The following COL11A1 variants were observed in gnomAD, a reference collection of about 807,000 sequenced individuals.
COL11A1 encodes the protein collagen type XI alpha 1 chain, also known as collagen alpha-1(XI) chain.
A neutral mutation model predicts 265.2 loss-of-function variants in COL11A1; 74 were observed. The observed-to-expected ratio is 0.28, with a 90% confidence interval of 0.23 to 0.34. The LOEUF is 0.34. COL11A1 is among the 10% of genes least tolerant of loss of function. The pLI is 1.00. For synonymous variants in COL11A1, 816 were observed against 727.6 expected, an observed-to-expected ratio of 1.12 and a Z score of -1.96; for missense variants, 2,165 against 2,263.6, an observed-to-expected ratio of 0.96 and a Z score of 0.88.
At chr1:103,056,211 A>C (rs544903217) in intron 4 of COL11A1, among the ~76,000 whole-genome samples, 1 of 152,256 alleles carries the variant, frequency 6.6e-6, no homozygotes, top group Admixed American at 6.5e-5. Flanking sequence ...CAGGTTAGAA[A>C]GTGTACGGGA....
chr1:102,984,086 T>G (rs991710898), intron 31 of COL11A1, 52 bp downstream of exon 31: 4 of 1,214,336 alleles, frequency 3.3e-6, no homozygotes, highest in Non-Finnish European at 4.9e-6. Flanking sequence ...CATAAGTGAT[T>G]AATATTATCT....
At chr1:103,105,922 A>G (rs1674656468) in intron 1 of COL11A1, among the ~76,000 whole-genome samples, 2 of 152,224 alleles carry the variant, frequency 1.3e-5, no homozygotes, top group South Asian at 2.1e-4. Context: ...GATAAAACAC[A>G]TAACAAAATC....
intron 4 of COL11A1, among the ~76,000 whole-genome samples, chr1:103,049,895 A>C (rs1669652225): frequency 1.3e-5 from 2 of 152,130 alleles, no homozygotes; most frequent in Admixed American, 6.5e-5. Flanking sequence ...CTGGGCTGAA[A>C]ATTCTTTTCT....
At position 102,876,880 on chromosome 1, in the gene COL11A1, G is replaced by C. The variant is rs1231857390; in HGVS notation, c.*1139C>G. On this transcript the variant is annotated 3_prime_UTR_variant, in exon 67 of 67. Coordinates refer to ENST00000370096, the MANE Select transcript of COL11A1 (RefSeq NM_001854.4). Reference sequence around the variant, plus strand: ...CCATATGTTATTCATTTAGCAATTAGGTAGGTCAAATGATTTATAAAATTA... The same window carrying C: ...CCATATGTTATTCATTTAGCAATTACGTAGGTCAAATGATTTATAAAATTA... The C allele has an allele frequency of 6.6e-6, 1 of 152,120 alleles. No individual in the cohort carries two copies. The highest frequency in any genetic ancestry group is 6.6e-5 in the Admixed American group (1 of 15,218). The allele number at this position is 152,120 out of a possible 1,614,324, so 9.4% of individuals were successfully genotyped here.
chr1:102,892,712 A>C (rs74108039), intron 57 of COL11A1, among the ~76,000 whole-genome samples: 6,298 of 152,254 alleles, frequency 0.041, 405 homozygotes, highest in African/African-American at 0.14. Context: ...CTTGTGTAAC[A>C]ATGGTATTTT....
At chr1:103,004,254 C>T (rs1410408090) in intron 20 of COL11A1, among the ~76,000 whole-genome samples, 190 bp downstream of exon 20, 1 of 151,962 alleles carries the variant, frequency 6.6e-6, no homozygotes, top group Non-Finnish European at 1.5e-5. Context: ...CCTCAATTGT[C>T]TAAGATTTTC....
chr1:103,094,988 G>A (rs943863747), intron 1 of COL11A1, among the ~76,000 whole-genome samples: 2 of 151,836 alleles, frequency 1.3e-5, no homozygotes, highest in African/African-American at 4.8e-5. Flanking sequence ...CATCACCATG[G>A]CTCTCTTAAA....
In COL11A1 at chr1:102,970,292, A is replaced by G. The variant is rs1371960003; in HGVS notation, c.2809-20T>C. 6.3e-7 allele frequency: 1 copy of G among 1,584,020 alleles called. No individual in the cohort carries two copies. ...TGGTCCCTGAAATTACAAATATTAA[A>G]TACCACATGTCATAAATATTTAATT... On this transcript the variant is annotated intron_variant, in intron 36 of 66. Transcript: ENST00000370096.
intron 4 of COL11A1, among the ~76,000 whole-genome samples, chr1:103,064,733 C>G (rs1284635525): frequency 1.4e-5 from 2 of 141,802 alleles, no homozygotes; most frequent in Admixed American, 7.1e-5. Context: ...CATAGAAGAA[C>G]CTTAAATGCA....
chr1:103,060,343 C>A (rs1670574995), intron 4 of COL11A1, among the ~76,000 whole-genome samples: 1 of 151,900 alleles, frequency 6.6e-6, no homozygotes, highest in Non-Finnish European at 1.5e-5. Context: ...GCCTTGCAAG[C>A]AATGTTAAAA....
intron 37 of COL11A1, among the ~76,000 whole-genome samples, chr1:102,969,418 C>A (rs1661742291): frequency 1.3e-5 from 2 of 152,184 alleles, no homozygotes; most frequent in African/African-American, 4.8e-5. Context: ...CTTGAGAAGT[C>A]TGGATAAAAG....
At chr1:102,934,603 C>G in intron 45 of COL11A1, 47 bp from the exon 46 acceptor site, 2 of 1,387,320 alleles carry the variant, frequency 1.4e-6, no homozygotes, top group Non-Finnish European at 2.1e-6. Context: ...AAAATCATTA[C>G]GATATGAGTC....
intron 54 of COL11A1, 67 bp from the exon 55 acceptor site, chr1:102,899,061 T>A: frequency 1.1e-6 from 1 of 874,648 alleles, no homozygotes; most frequent in East Asian, 2.9e-5. Context: ...AGCACTTGTT[T>A]ACAAACACTA....
intron 14 of COL11A1, among the ~76,000 whole-genome samples, chr1:103,010,891 G>A (rs921385084): frequency 2.0e-5 from 3 of 151,944 alleles, no homozygotes; most frequent in Non-Finnish European, 2.9e-5. Flanking sequence ...GTAGAAACGG[G>A]GTTTCTCCAT....
At chr1:103,001,070 C>G (rs1407712200) in intron 24 of COL11A1, 1 of 396,440 alleles carries the variant, frequency 2.5e-6, no homozygotes, top group African/African-American at 2.1e-5. Context: ...ATTCAGAAAA[C>G]TCAAATCTAC....
intron 43 of COL11A1, 80 bp from the exon 44 acceptor site, chr1:102,939,168 T>G: frequency 1.6e-6 from 2 of 1,253,216 alleles, no homozygotes; most frequent in Non-Finnish European, 2.3e-6. Flanking sequence ...CAGTTAAATT[T>G]TACCTTTAAT....
rs926976212 is a variant in COL11A1, at chr1:102,998,404, T to A, written c.2143-41A>T. ...AAAATATTAAAAAGATAAAAATAAT[T>A]TTAAAAAGCTTTAACGTGTACATAT... is the stretch of plus-strand genomic sequence containing the variant. On this transcript the variant is annotated intron_variant, in intron 24 of 66. Coordinates refer to ENST00000370096, the MANE Select transcript of COL11A1 (RefSeq NM_001854.4). The A allele has an allele frequency of 2.1e-6, 3 of 1,413,616 alleles. No homozygotes were observed. The African/African-American group carries it at 4.3e-5, about 20-fold the overall frequency. 87.6% of individuals were successfully genotyped at this position (1,413,616 alleles called of 1,614,324 possible).
intron 41 of COL11A1, among the ~76,000 whole-genome samples, chr1:102,949,822 T>C (rs1015106596): frequency 3.9e-5 from 6 of 152,050 alleles, no homozygotes; most frequent in Non-Finnish European, 8.8e-5. Context: ...TTTTAATAAA[T>C]GGAAGAAATA....
At position 102,887,062 on chromosome 1, in the gene COL11A1, A is replaced by G. The variant is rs758109513; in HGVS notation, c.4609-6T>C. 16 of 1,613,694 alleles carry G rather than the reference A, an allele frequency of 9.9e-6. No homozygotes were observed. Among genetic ancestry groups the G allele is most frequent in the Non-Finnish European group, 1.4e-5 (16 of 1,179,762 alleles). ...ATGACTTCACCAGGTGGACCCTGTA[A>G]AGAAGATAATGTGAGTGCAATTGTT... is the stretch of plus-strand genomic sequence containing the variant. On this transcript the variant is annotated splice_region_variant and splice_polypyrimidine_tract_variant and intron_variant, in intron 62 of 66. Coordinates refer to ENST00000370096, the MANE Select transcript of COL11A1 (RefSeq NM_001854.4).
Sources: gnomAD v4.1 joint callset for allele counts (sites outside exome capture counted in the v4.1 genomes callset) on GRCh38, gnomAD v4.1.1 for gene constraint, MANE v1.5 for transcripts, NCBI Gene and HGNC (gene_info 2026-07-23, HGNC 2026-07-21) for gene names.